The following ATP8A1 variants were observed in gnomAD, a reference collection of about 807,000 sequenced individuals.
The protein encoded by ATP8A1 is phospholipid-transporting ATPase IA.
ATP8A1 carries 90 observed loss-of-function variants against 177.7 expected under a neutral mutation model. The observed-to-expected ratio is 0.51, with a 90% CI of 0.43 to 0.60. The LOEUF (loss-of-function observed/expected upper bound fraction) is 0.60. ATP8A1 is among the 20% of genes least tolerant of loss of function. The pLI is 0.00. For synonymous variants in ATP8A1, 493 were observed against 485.9 expected, an observed-to-expected ratio of 1.01 and a Z score of -0.19; for missense variants, 1,072 against 1,392.8, an observed-to-expected ratio of 0.77 and a Z score of 3.67.
Position 42,564,407 on chromosome 4 carries a change from AG to A in ATP8A1, c.1340+4753del, listed in dbSNP as rs575115093. ...CAGCCTGTGAAAGCAGCCAGGAGGG[AG>A]GCTGTACCCTGCAGAGCTACAGGGG... On this transcript the variant is annotated intron_variant, in intron 15 of 36. Coordinates refer to ENST00000381668, the MANE Select transcript of ATP8A1 (RefSeq NM_006095.2). 4.0e-3 allele frequency among the ~76,000 whole-genome samples: 605 copies of A among 152,288 alleles called. 3 individuals carry two copies. The highest frequency in any genetic ancestry group is 0.013 in the African/African-American group (546 of 41,562).
rs1734091314 is a variant in ATP8A1 at position 42,590,828 on chromosome 4, G to A, written c.507C>T (p.Leu169=). 1.2e-6 allele frequency: 2 copies of A among 1,613,432 alleles called. No individual in the cohort carries two copies. Among genetic ancestry groups the A allele is most frequent in the East Asian group, 2.2e-5 (1 of 44,866 alleles). The change falls in exon 7 of 37, where the codon CTC becomes CTT. Residue 169 remains leucine (L), a synonymous_variant. Coordinates refer to ENST00000381668, the MANE Select transcript of ATP8A1 (RefSeq NM_006095.2). ...GTTCTAACCTTGAGGACAGACTGAT[G>A]AGATCTGCTGGGAGATGTTCCCCAT... ...VTNGEHLPAD[L]ISLSSSEPQA... is the part of the protein sequence containing the mutation.
chr4:42,608,854 A>C (rs1363039177), intron 5 of ATP8A1, among the ~76,000 whole-genome samples: 1 of 152,210 alleles, frequency 6.6e-6, no homozygotes, highest in Non-Finnish European at 1.5e-5. Flanking sequence ...AAAGAAGGAA[A>C]GCCAATATGC....
rs55945370 is a variant in ATP8A1, at chr4:42,435,426, CAAAA to C, written c.3123+8135_3123+8138del. Among the ~76,000 whole-genome samples the C allele has an allele frequency of 1.8e-4, 17 of 93,992 alleles. No homozygotes were observed. In the South Asian group the frequency reaches 5.4e-3, roughly 30 times the overall value. 61.7% of individuals were successfully genotyped at this position (93,992 alleles called of 152,430 possible). ...GGGGGACAAGAGCGAGACTTCATCT[CAAAA>C]AAAAAAAAAAAAAAAAAAACAAAAA... On this transcript the variant is annotated intron_variant, in intron 33 of 36. Coordinates refer to ENST00000381668, the MANE Select transcript of ATP8A1 (RefSeq NM_006095.2).
chr4:42,465,859 C>T (rs1436798826), intron 25 of ATP8A1, among the ~76,000 whole-genome samples: 3 of 151,860 alleles, frequency 2.0e-5, no homozygotes, highest in South Asian at 2.1e-4. Context: ...GGTGAAACCC[C>T]GTCTCTACTA....
intron 22 of ATP8A1, among the ~76,000 whole-genome samples, chr4:42,509,152 C>T (rs1724736606): frequency 6.6e-6 from 1 of 152,194 alleles, no homozygotes; most frequent in African/African-American, 2.4e-5. Context: ...CTCGACCATA[C>T]CTCAACTCAT....
intron 30 of ATP8A1, among the ~76,000 whole-genome samples, chr4:42,447,277 G>C (rs1190902184): frequency 6.6e-6 from 1 of 152,062 alleles, no homozygotes; most frequent in Non-Finnish European, 1.5e-5. Context: ...TCCGCTCCCG[G>C]GTTCTAGTAA....
intron 25 of ATP8A1, among the ~76,000 whole-genome samples, chr4:42,481,515 A>C (rs562206274): frequency 5.9e-4 from 90 of 152,292 alleles, no homozygotes; most frequent in African/African-American, 2.1e-3. Flanking sequence ...CATTCTGTGA[A>C]TCTCTAGATA....
chr4:42,642,739 C>A (rs1740135237), intron 1 of ATP8A1, among the ~76,000 whole-genome samples: 2 of 152,172 alleles, frequency 1.3e-5, no homozygotes, highest in African/African-American at 4.8e-5. Flanking sequence ...CCTCCTAATG[C>A]AACATTTTAC....
chr4:42,630,129 T>C lies in ATP8A1; in HGVS notation c.50-3020A>G, dbSNP rs143885984. On this transcript the variant is annotated intron_variant, in intron 1 of 36. Coordinates refer to ENST00000381668, the MANE Select transcript of ATP8A1 (RefSeq NM_006095.2). ...ATATCACCACCTTCATCAGCTATAA[T>C]AACCACATAAAGAGCTACATGTGCA... Among the ~76,000 whole-genome samples, 45 of 152,326 alleles carry C rather than the reference T, an allele frequency of 3.0e-4. No homozygotes were observed. In the South Asian group the frequency reaches 4.1e-3, roughly 14 times the overall value.
chr4:42,615,482 AT>A (rs879836599), intron 5 of ATP8A1, among the ~76,000 whole-genome samples: 2 of 152,068 alleles, frequency 1.3e-5, no homozygotes, highest in African/African-American at 2.4e-5. Flanking sequence ...ATGATGGCGA[AT>A]TTGCTTGTAT....
intron 10 of ATP8A1, among the ~76,000 whole-genome samples, chr4:42,580,768 C>G (rs17532190): frequency 0.079 from 11,966 of 152,108 alleles, 649 homozygotes; most frequent in Middle Eastern, 0.17. Context: ...TTTTCCACAC[C>G]CATCTGACTA....
intron 16 of ATP8A1, among the ~76,000 whole-genome samples, chr4:42,554,880 G>A (rs1254470251): frequency 1.3e-5 from 2 of 152,146 alleles, no homozygotes; most frequent in Admixed American, 6.5e-5. Context: ...AGAATATAAA[G>A]CAGGCAGAAA....
intron 30 of ATP8A1, 60 bp downstream of exon 30, chr4:42,451,921 G>T: frequency 1.7e-6 from 2 of 1,203,020 alleles, no homozygotes; most frequent in East Asian, 2.4e-5. Context: ...CATTGACAAT[G>T]AGTTATTTTT....
intron 21 of ATP8A1, 86 bp from the exon 22 acceptor site, chr4:42,522,385 A>G: frequency 6.7e-7 from 1 of 1,501,252 alleles, no homozygotes; most frequent in Non-Finnish European, 9.0e-7. Context: ...ACAAAGTCCC[A>G]TTTTGAAAAA....
At chr4:42,635,475 G>C (rs1739177227) in intron 1 of ATP8A1, among the ~76,000 whole-genome samples, 1 of 151,518 alleles carries the variant, frequency 6.6e-6, no homozygotes, top group Non-Finnish European at 1.5e-5. Context: ...CTTAGGTTGG[G>C]GTCATTAAAC....
At chr4:42,507,796 A>AAC (rs1553890656) in intron 22 of ATP8A1, among the ~76,000 whole-genome samples, 1 of 142,824 alleles carries the variant, frequency 7.0e-6, no homozygotes, top group East Asian at 2.1e-4. Flanking sequence ...AAAAAAAAAA[A>AAC]AAAAAAAAAA....
chr4:42,538,205 G>C (rs1210999816), intron 20 of ATP8A1, among the ~76,000 whole-genome samples: 1 of 152,128 alleles, frequency 6.6e-6, no homozygotes, highest in East Asian at 1.9e-4. Context: ...TGGGATAGTT[G>C]GCAAGTCACA....
chr4:42,647,571 A>AT (rs1343868250), intron 1 of ATP8A1, among the ~76,000 whole-genome samples: 1 of 150,862 alleles, frequency 6.6e-6, no homozygotes, highest in Non-Finnish European at 1.5e-5. Flanking sequence ...TAAATACACT[A>AT]TTACTTGTAT....
chr4:42,522,276 C>A lies in ATP8A1; in HGVS notation c.1831G>T (p.Val611Leu), dbSNP rs969960978. ...AAGTCGCTCTCTGAAATCTCAGCCACAGCAAAACATAAAGTTCTTAACCCT... is the reference window on the plus strand; with the variant it reads ...AAGTCGCTCTCTGAAATCTCAGCCAAAGCAAAACATAAAGTTCTTAACCCT... Reference protein sequence around the residue: ...TEGLRTLCFAVAEISESDFQE... With the variant: ...TEGLRTLCFALAEISESDFQE... The change falls in exon 22 of 37, where the codon GTG (valine) becomes TTG (leucine). Residue 611 changes from valine to leucine, a missense_variant. Val to Leu is a conservative substitution (Grantham distance 32). This residue lies in a region of ATP8A1 where 388 missense variants were observed against 471.7 expected (regional missense o/e 0.82). Coordinates refer to ENST00000381668, the MANE Select transcript of ATP8A1 (RefSeq NM_006095.2). 6.2e-7 allele frequency: 1 copy of A among 1,613,720 alleles called. No individual in the cohort carries two copies. Among genetic ancestry groups the A allele is most frequent in the Non-Finnish European group, 8.5e-7 (1 of 1,179,840 alleles).
Sources: allele counts gnomAD v4.1 joint callset (sites outside exome capture counted in the v4.1 genomes callset), GRCh38; gene constraint gnomAD v4.1.1; regional missense constraint gnomAD v4.1.1; transcripts MANE v1.5; gene names NCBI Gene and HGNC (gene_info 2026-07-23, HGNC 2026-07-21).